Variants in ROR2 observed in about 807,000 individuals in gnomAD.
The protein encoded by ROR2 is ROR family WNT receptor 2, also known as tyrosine-protein kinase transmembrane receptor ROR2.
A neutral mutation model predicts 74.9 loss-of-function variants in ROR2; 33 were observed. The ratio of observed to expected loss-of-function variants is 0.44; its 90% CI spans 0.33 to 0.59. ROR2 has a LOEUF of 0.59. ROR2 is among the 20% of genes least tolerant of loss of function. The pLI is 0.02. For synonymous variants in ROR2, 586 were observed against 558.7 expected, an observed-to-expected ratio of 1.05 and a Z score of -0.69; for missense variants, 1,216 against 1,313.8, an observed-to-expected ratio of 0.93 and a Z score of 1.15.
At chr9:91,754,401 A>T (rs1825678011) in intron 4 of ROR2, among the ~76,000 whole-genome samples, 1 of 152,062 alleles carries the variant, frequency 6.6e-6, no homozygotes, top group Non-Finnish European at 1.5e-5. Context: ...TCATGCCTGT[A>T]ATCTCAGCAC....
intron 1 of ROR2, among the ~76,000 whole-genome samples, chr9:91,879,211 CG>C (rs1415694559): frequency 6.6e-6 from 1 of 152,014 alleles, no homozygotes. Context: ...GATGAGTAAT[CG>C]GAACAGACTG....
intron 1 of ROR2, among the ~76,000 whole-genome samples, chr9:91,837,141 GT>G (rs11296952): frequency 0.47 from 70,801 of 150,266 alleles, 18,843 homozygotes; most frequent in African/African-American, 0.72. Context: ...ATTGCTTACT[GT>G]TTTTTTTTTT....
At chr9:91,730,590 A>T (rs763789909) in intron 7 of ROR2, among the ~76,000 whole-genome samples, 31 of 152,074 alleles carry the variant, frequency 2.0e-4, no homozygotes, top group Admixed American at 2.0e-3. Context: ...TCTCTTGAGT[A>T]GCTGGGATTA....
At chr9:91,948,719 G>A (rs1832078367) in intron 1 of ROR2, 1 of 985,380 alleles carries the variant, frequency 1.0e-6, no homozygotes, top group South Asian at 4.7e-5. Context: ...TCACCTTCCT[G>A]CAGGAGTGCA....
chr9:91,780,032 G>C (rs117127525), intron 1 of ROR2, among the ~76,000 whole-genome samples: 1 of 152,182 alleles, frequency 6.6e-6, no homozygotes, highest in Non-Finnish European at 1.5e-5. Context: ...GATGATGCCC[G>C]GTTGCTGTTA....
intron 1 of ROR2, among the ~76,000 whole-genome samples, chr9:91,819,490 GTC>G (rs935805372): frequency 2.1e-3 from 327 of 152,158 alleles, no homozygotes; most frequent in African/African-American, 7.3e-3. Flanking sequence ...GTATCTTTGT[GTC>G]TCTGCGTGTC....
intron 1 of ROR2, among the ~76,000 whole-genome samples, chr9:91,839,704 G>C (rs1170776317): frequency 1.3e-5 from 2 of 149,808 alleles, no homozygotes; most frequent in Admixed American, 1.3e-4. Context: ...TGTTGTATGT[G>C]GTGTGTGTGT....
chr9:91,779,374 T>A (rs1488815154), intron 1 of ROR2, among the ~76,000 whole-genome samples: 1 of 88,922 alleles, frequency 1.1e-5, no homozygotes, highest in Non-Finnish European at 2.7e-5. Context: ...TTTTCTTTTT[T>A]TTTTTTTTTT....
intron 4 of ROR2, among the ~76,000 whole-genome samples, chr9:91,742,004 G>A (rs937363574): frequency 6.6e-6 from 1 of 152,222 alleles, no homozygotes; most frequent in Non-Finnish European, 1.5e-5. Flanking sequence ...CAGCAGAGCA[G>A]GTTGGATTAG....
chr9:91,739,902 G>A (rs187144044), intron 4 of ROR2, among the ~76,000 whole-genome samples: 8 of 152,316 alleles, frequency 5.3e-5, no homozygotes, highest in African/African-American at 1.9e-4. Context: ...GGTATGTGCT[G>A]GACATGTCCC....
intron 1 of ROR2, among the ~76,000 whole-genome samples, chr9:91,937,348 G>A (rs982197586): frequency 2.6e-5 from 4 of 152,144 alleles, no homozygotes; most frequent in Admixed American, 6.5e-5. Context: ...GACTCCCCTC[G>A]TGGGGAGTCT....
Position 91,894,963 on chromosome 9 carries a change from A to C in ROR2, c.97+54904T>G, listed in dbSNP as rs115845600. On this transcript the variant is annotated intron_variant, in intron 1 of 8. Coordinates refer to ENST00000375708, the MANE Select transcript of ROR2 (RefSeq NM_004560.4). ...AGATGAAAACTTATGTCCACACAAA[A>C]ACCTGCACAAGGATATTTACAGCAG... is the stretch of plus-strand genomic sequence containing the variant. 9.1e-3 allele frequency among the ~76,000 whole-genome samples: 1,381 copies of C among 152,326 alleles called. 27 individuals carry two copies. The highest frequency in any genetic ancestry group is 0.032 in the African/African-American group (1,311 of 41,542).
intron 1 of ROR2, 67 bp from the exon 2 acceptor site, chr9:91,775,885 TA>T (rs1826403725): frequency 2.2e-6 from 3 of 1,360,010 alleles, no homozygotes; most frequent in Non-Finnish European, 3.1e-6. Flanking sequence ...ATTTGCTTCT[TA>T]TGCAAAGACA....
intron 2 of ROR2, among the ~76,000 whole-genome samples, chr9:91,759,201 G>C (rs997471602): frequency 6.6e-6 from 1 of 151,928 alleles, no homozygotes; most frequent in African/African-American, 2.4e-5. Context: ...TGGAGGTGGA[G>C]GTGATGGAGA....
chr9:91,912,046 A>G (rs1011595511), intron 1 of ROR2, among the ~76,000 whole-genome samples: 4 of 152,174 alleles, frequency 2.6e-5, no homozygotes, highest in African/African-American at 9.7e-5. Context: ...ATACTGAGGA[A>G]CTGTCACAAA....
In ROR2 at chr9:91,882,131, G is replaced by A. The variant is rs374218079; in HGVS notation, c.97+67736C>T. 7.9e-5 allele frequency among the ~76,000 whole-genome samples: 12 copies of A among 152,040 alleles called. 1 individual carries two copies. Among genetic ancestry groups the A allele is most frequent in the East Asian group, 3.8e-4 (2 of 5,198 alleles). On this transcript the variant is annotated intron_variant, in intron 1 of 8. Transcript: ENST00000375708. Reference sequence around the variant, plus strand: ...AGTCTATAGAACTAGCCTATGACCAGCCAGGCACGGTGGATCATGCCTGTA... The same window carrying A: ...AGTCTATAGAACTAGCCTATGACCAACCAGGCACGGTGGATCATGCCTGTA...
At chr9:91,849,375 A>G (rs1204821863) in intron 1 of ROR2, among the ~76,000 whole-genome samples, 4 of 152,212 alleles carry the variant, frequency 2.6e-5, no homozygotes, top group African/African-American at 9.6e-5. Context: ...ACTGGCGAAA[A>G]CGCAATCTCT....
chr9:91,724,809 T>A lies in ROR2; in HGVS notation c.1685A>T (p.His562Leu). ...IFSYCSHGDL[H>L]EFLVMRSPHS... ...CGGCGAGCGCATGACCAGGAATTCG[T>A]GGAGGTCGCCGTGCGAACAGTAGCT... Residue 562 changes from histidine to leucine, a missense_variant, in exon 9 of 9, where the codon CAC (histidine) becomes CTC (leucine). His to Leu is a moderately conservative substitution (Grantham distance 99). Transcript: ENST00000375708. The A allele has an allele frequency of 6.2e-7, 1 of 1,608,650 alleles. No individual in the cohort carries two copies. Among genetic ancestry groups the A allele is most frequent in the African/African-American group, 1.3e-5 (1 of 74,904 alleles).
At chr9:91,841,193 C>T (rs972929124) in intron 1 of ROR2, among the ~76,000 whole-genome samples, 7 of 152,300 alleles carry the variant, frequency 4.6e-5, no homozygotes, top group South Asian at 2.1e-4. Flanking sequence ...GGGATCTGCA[C>T]GGATGACCTG....
Sources: gnomAD v4.1 joint callset for allele counts (sites outside exome capture counted in the v4.1 genomes callset) on GRCh38, gnomAD v4.1.1 for gene constraint, MANE v1.5 for transcripts, NCBI Gene and HGNC (gene_info 2026-07-23, HGNC 2026-07-21) for gene names.